ENTHD1: variants seen among roughly 807,000 people sequenced by gnomAD.
The protein encoded by ENTHD1 is ENTH domain-containing protein 1.
Under a neutral mutation model 39.1 loss-of-function variants are expected in ENTHD1, and 23 were observed. That is an observed-to-expected ratio of 0.59 (90% CI 0.42 to 0.83). ENTHD1 has a LOEUF of 0.83. Among genes scored for constraint, ENTHD1 ranks in the 40% least tolerant of loss-of-function variants. The pLI is 0.00. For synonymous variants in ENTHD1, 230 were observed against 258.2 expected (o/e 0.89, Z 1.05); for missense variants, 624 against 705.4 (o/e 0.88, Z 1.31).
intron 6 of ENTHD1, among the ~76,000 whole-genome samples, chr22:39,748,030 C>A (rs540596507): frequency 2.6e-5 from 4 of 152,158 alleles, no homozygotes; most frequent in African/African-American, 9.6e-5. Flanking sequence ...GGGAGGATAG[C>A]TTGGGCCCAG....
intron 5 of ENTHD1, among the ~76,000 whole-genome samples, chr22:39,813,043 A>G (rs1020807113): frequency 2.0e-5 from 3 of 152,170 alleles, no homozygotes; most frequent in Non-Finnish European, 4.4e-5. Flanking sequence ...TCAGCCTCCC[A>G]AAGTGCTGGG....
intron 1 of ENTHD1, among the ~76,000 whole-genome samples, chr22:39,890,070 C>A (rs2146784525): frequency 6.7e-6 from 1 of 149,674 alleles, no homozygotes; most frequent in South Asian, 2.1e-4. Flanking sequence ...TGCGCTATAG[C>A]CTGGGAGATA....
intron 5 of ENTHD1, among the ~76,000 whole-genome samples, chr22:39,797,940 A>T (rs2146611271): frequency 6.6e-6 from 1 of 152,192 alleles, no homozygotes; most frequent in South Asian, 2.1e-4. Context: ...TCTATTTGTG[A>T]ATTTCTAAGC....
At chr22:39,783,531 G>A (rs953337628) in intron 5 of ENTHD1, among the ~76,000 whole-genome samples, 3 of 151,700 alleles carry the variant, frequency 2.0e-5, no homozygotes, top group African/African-American at 7.3e-5. Context: ...CCAAATCAGC[G>A]TGAATAAAAA....
At chr22:39,794,628 C>A (rs1156937920) in intron 5 of ENTHD1, among the ~76,000 whole-genome samples, 2 of 151,982 alleles carry the variant, frequency 1.3e-5, no homozygotes, top group Non-Finnish European at 2.9e-5. Flanking sequence ...TGGTGAAACC[C>A]CGTCTCTACT....
At position 39,765,471 on chromosome 22, in the gene ENTHD1, T is replaced by C; in HGVS notation, c.971A>G (p.Glu324Gly). The change falls in exon 6 of 7, where the codon GAA becomes GGA. Residue 324 changes from glutamate (E) to glycine (G), a missense_variant. Coordinates refer to ENST00000325157, the MANE Select transcript of ENTHD1 (RefSeq NM_152512.4). Reference protein sequence around the residue: ...ETPLEKQSAAEGLKTLTILPA... With the variant: ...ETPLEKQSAAGGLKTLTILPA... Reference sequence around the variant, plus strand: ...TAAAATTGTCAATGTTTTAAGACCTTCTGCAGCTGATTGCTTTTCTAAAGG... The same window carrying C: ...TAAAATTGTCAATGTTTTAAGACCTCCTGCAGCTGATTGCTTTTCTAAAGG... 7 of 1,614,006 alleles carry C rather than the reference T, an allele frequency of 4.3e-6. No individual in the cohort carries two copies. The highest frequency in any genetic ancestry group is 5.9e-6 in the Non-Finnish European group (7 of 1,179,978).
At chr22:39,838,794 A>G (rs2065924036) in intron 3 of ENTHD1, among the ~76,000 whole-genome samples, 1 of 152,188 alleles carries the variant, frequency 6.6e-6, no homozygotes, top group Non-Finnish European at 1.5e-5. Flanking sequence ...TTTCAATTTT[A>G]TATCTATTTG....
chr22:39,751,942 G>A (rs2065150574), intron 6 of ENTHD1, among the ~76,000 whole-genome samples: 3 of 152,080 alleles, frequency 2.0e-5, no homozygotes, highest in South Asian at 4.1e-4. Flanking sequence ...TAATACATGA[G>A]CCTTAAAAAA....
intron 5 of ENTHD1, among the ~76,000 whole-genome samples, chr22:39,818,298 C>A (rs1381501517): frequency 6.6e-6 from 1 of 152,146 alleles, no homozygotes; most frequent in African/African-American, 2.4e-5. Flanking sequence ...CCTGCCCCAG[C>A]CTTTGTGTTC....
At chr22:39,845,356 A>G (rs934906691) in intron 3 of ENTHD1, among the ~76,000 whole-genome samples, 1 of 152,226 alleles carries the variant, frequency 6.6e-6, no homozygotes, top group Non-Finnish European at 1.5e-5. Flanking sequence ...GTATGGCTCC[A>G]GGACCTGAGC....
chr22:39,891,610 T>C (rs1242063855), intron 1 of ENTHD1, among the ~76,000 whole-genome samples: 1 of 149,678 alleles, frequency 6.7e-6, no homozygotes, highest in Non-Finnish European at 1.5e-5. Context: ...CCTAACTAAT[T>C]AAAAAAAAAA....
intron 6 of ENTHD1, among the ~76,000 whole-genome samples, chr22:39,751,732 T>C (rs2146535145): frequency 6.6e-6 from 1 of 152,282 alleles, no homozygotes; most frequent in South Asian, 2.1e-4. Flanking sequence ...TTGAATCACA[T>C]AGGTTGAGTC....
At chr22:39,823,040 T>C (rs981491949) in intron 4 of ENTHD1, among the ~76,000 whole-genome samples, 1 of 152,234 alleles carries the variant, frequency 6.6e-6, no homozygotes, top group Non-Finnish European at 1.5e-5. Context: ...ATACACTCCC[T>C]CAACAGAACT....
intron 5 of ENTHD1, among the ~76,000 whole-genome samples, chr22:39,803,140 C>T (rs1039065312): frequency 1.3e-5 from 2 of 152,112 alleles, no homozygotes; most frequent in African/African-American, 2.4e-5. Flanking sequence ...ACAAGACTTC[C>T]GCTGCCCACA....
chr22:39,827,116 C>T (rs549350619), intron 4 of ENTHD1, among the ~76,000 whole-genome samples: 256 of 151,326 alleles, frequency 1.7e-3, no homozygotes, highest in Non-Finnish European at 3.1e-3. Flanking sequence ...CCCAGGTTCA[C>T]GCCATTCTCC....
intron 1 of ENTHD1, among the ~76,000 whole-genome samples, chr22:39,892,645 G>A (rs2066435452): frequency 6.6e-6 from 1 of 152,148 alleles, no homozygotes; most frequent in Admixed American, 6.5e-5. Flanking sequence ...CAGAGGAGCT[G>A]AACTGACTTT....
At chr22:39,872,117 C>T (rs1388725352) in intron 2 of ENTHD1, among the ~76,000 whole-genome samples, 1 of 152,100 alleles carries the variant, frequency 6.6e-6, no homozygotes, top group Non-Finnish European at 1.5e-5. Flanking sequence ...TAAATCTGAT[C>T]CACTTTTAAG....
In ENTHD1 at chr22:39,862,007, C is replaced by T; in HGVS notation, c.350G>A (p.Gly117Asp). Residue 117 changes from glycine to aspartate, a missense_variant and splice_region_variant, in exon 3 of 7, where the codon GGT (glycine) becomes GAT (aspartate). Physicochemically the swap from Gly to Asp is moderately conservative, Grantham distance 94 (BLOSUM62 -1). Coordinates refer to ENST00000325157, the MANE Select transcript of ENTHD1 (RefSeq NM_152512.4). The part of the protein sequence containing the change: ...QHIDEAGKDQ[G>D]YYIREKSKQV... ...CTTAGATTTTTCCCGGATATAATAA[C>T]CTGAAAAATACATTGACTCTGCTTA... The T allele has an allele frequency of 6.8e-7, 1 of 1,473,240 alleles. No homozygotes were observed. The highest frequency in any genetic ancestry group is 9.2e-7 in the Non-Finnish European group (1 of 1,092,754). 91.3% of individuals were successfully genotyped at this position (1,473,240 alleles called of 1,614,324 possible).
At chr22:39,771,976 AAATAT>A (rs1713833484) in intron 5 of ENTHD1, among the ~76,000 whole-genome samples, 1 of 152,244 alleles carries the variant, frequency 6.6e-6, no homozygotes, top group Non-Finnish European at 1.5e-5. Context: ...TTTAAAAATA[AAATAT>A]ATGTAACTGT....
Sources: allele counts gnomAD v4.1 joint callset (sites outside exome capture counted in the v4.1 genomes callset), GRCh38; gene constraint gnomAD v4.1.1; transcripts MANE v1.5; gene names NCBI Gene and HGNC (gene_info 2026-07-23, HGNC 2026-07-21).